TGFB3: variants seen among roughly 807,000 people sequenced by gnomAD.
TGFB3 encodes the protein transforming growth factor beta 3.
A neutral mutation model predicts 40.1 loss-of-function variants in TGFB3; 5 were observed. The observed-to-expected ratio is 0.12, with a 90% CI of 0.07 to 0.26. TGFB3 has a LOEUF of 0.26. TGFB3 is among the 10% of genes least tolerant of loss of function. The probability of loss-of-function intolerance (pLI) is 1.00; values close to 1 mark genes in which losing one functional copy is unlikely to be tolerated. For missense variants in TGFB3, 373 were observed against 530.1 expected (o/e 0.70, Z 2.91); for synonymous variants, 184 against 205.6 (o/e 0.89, Z 0.90).
In TGFB3 at chr14:75,966,381, T is replaced by C. The variant is rs147153752; in HGVS notation, c.647-686A>G. ...ACAAAGTGGCAGATTCTAGAAGAGATAAGATGAAGATCACGGTTACACTGG... is the reference window on the plus strand; with the variant it reads ...ACAAAGTGGCAGATTCTAGAAGAGACAAGATGAAGATCACGGTTACACTGG... On this transcript the variant is annotated intron_variant, in intron 3 of 6. Transcript: ENST00000238682. The C allele has an allele frequency of 2.6e-5, 4 of 155,474 alleles. No individual in the cohort carries two copies. In the East Asian group the frequency reaches 7.7e-4, roughly 30 times the overall value. 9.6% of individuals were successfully genotyped at this position (155,474 alleles called of 1,614,324 possible).
chr14:75,982,484 C>G (rs2035448203), upstream of TGFB3, among the ~76,000 whole-genome samples: 1 of 152,226 alleles, frequency 6.6e-6, no homozygotes, highest in Non-Finnish European at 1.5e-5. The surrounding 1 kb of genome is among the most constrained non-coding windows in gnomAD (Gnocchi z 4.0). Context: ...GGTCGGCGTC[C>G]GCTCCGCGGC....
chr14:75,979,755 G>C lies in TGFB3; in HGVS notation c.352+787C>G, dbSNP rs1401131399. ...TCCACCCGCTCTCCCGTGACACGCA[G>C]ACACAAAGGGCGCCAGCCTCCTCTA... On this transcript the variant is annotated intron_variant, in intron 1 of 6. Transcript: ENST00000238682. This position sits in a 1 kb window ranked among gnomAD's most constrained non-coding sequence, Gnocchi z 4.8. Among the ~76,000 whole-genome samples, 4 of 144,566 alleles carry C rather than the reference G, an allele frequency of 2.8e-5. No individual in the cohort carries two copies. Among genetic ancestry groups the C allele is most frequent in the African/African-American group, 1.0e-4 (4 of 38,712 alleles). 94.8% of individuals were successfully genotyped at this position (144,566 alleles called of 152,430 possible).
chr14:75,980,993 C>A lies in TGFB3; in HGVS notation c.-100G>T. 1 of 1,075,684 alleles carries A rather than the reference C, an allele frequency of 9.3e-7. No individual in the cohort carries two copies. The highest frequency in any genetic ancestry group is 1.3e-5 in the South Asian group (1 of 78,986). The allele number at this position is 1,075,684 out of a possible 1,614,324, so 66.6% of individuals were successfully genotyped here. A position where few individuals can be genotyped will look rare whatever the true frequency, so the allele number is the denominator to read the frequency against. On this transcript the variant is annotated 5_prime_UTR_variant, in exon 1 of 7. Transcript: ENST00000238682. This position sits in a 1 kb window ranked among gnomAD's most constrained non-coding sequence, Gnocchi z 4.3. ...AGGGAGGAAAACCAGGCGGCCTCCC[C>A]AGATCCCAAAGACTGAGGCTTGGCA...
rs765490133 is a variant in TGFB3, at chr14:75,980,766, A to G, written c.128T>C (p.Ile43Thr). 20 of 1,614,010 alleles carry G rather than the reference A, an allele frequency of 1.2e-5. No homozygotes were observed. The highest frequency in any genetic ancestry group is 1.7e-5 in the Non-Finnish European group (20 of 1,180,004). ...GHIKKKRVEA[I>T]RGQILSKLRL... ...GAGCTTGCTCAAGATCTGTCCCCTA[A>G]TGGCTTCCACCCTCTTCTTCTTGAT... Residue 43 changes from isoleucine to threonine, a missense_variant, in exon 1 of 7, where the codon ATT (isoleucine) becomes ACT (threonine). Coordinates refer to ENST00000238682, the MANE Select transcript of TGFB3 (RefSeq NM_003239.5). This position sits in a 1 kb window ranked among gnomAD's most constrained non-coding sequence, Gnocchi z 4.3.
intron 4 of TGFB3, among the ~76,000 whole-genome samples, chr14:75,964,334 T>A (rs2035196082): frequency 6.6e-6 from 1 of 152,184 alleles, no homozygotes; most frequent in Non-Finnish European, 1.5e-5. Flanking sequence ...ACTGTATAAT[T>A]GTTAACATTC....
intron 6 of TGFB3, among the ~76,000 whole-genome samples, chr14:75,960,046 G>A (rs752842228): frequency 2.6e-4 from 37 of 139,914 alleles, no homozygotes; most frequent in East Asian, 4.7e-4. Flanking sequence ...GGGTTCAAGC[G>A]ATTCTCCTGC....
chr14:75,970,868 C>G (rs975589079), intron 3 of TGFB3: 2 of 454,400 alleles, frequency 4.4e-6, no homozygotes, highest in Admixed American at 6.6e-5. Context: ...CCCTGTTGGA[C>G]TCCACCCACT....
At chr14:75,961,165 T>C in intron 5 of TGFB3, 89 bp from the exon 6 acceptor site, 1 of 1,474,550 alleles carries the variant, frequency 6.8e-7, no homozygotes, top group Non-Finnish European at 9.3e-7. Flanking sequence ...CTTGGAGTCC[T>C]TTCATGCCAT....
chr14:75,960,515 T>G (rs2035142722), intron 6 of TGFB3: 1 of 198,112 alleles, frequency 5.0e-6, no homozygotes, highest in African/African-American at 2.3e-5. Context: ...CAAATTAGCT[T>G]CTTGTCCATC....
At chr14:75,964,263 C>T (rs1047258940) in intron 4 of TGFB3, among the ~76,000 whole-genome samples, 3 of 152,156 alleles carry the variant, frequency 2.0e-5, no homozygotes, top group Non-Finnish European at 2.9e-5. Flanking sequence ...ACGCAGAAGT[C>T]CTACCAAAAA....
rs1231639152 is a variant in TGFB3, at chr14:75,981,512, G to C, written c.-619C>G. ...CCCAGCTAAAGGTGGGGGCAGTACA[G>C]GACACACTTGTCTCTCAGGCACTCC... On this transcript the variant is annotated 5_prime_UTR_variant, in exon 1 of 7. Coordinates refer to ENST00000238682, the MANE Select transcript of TGFB3 (RefSeq NM_003239.5). This position sits in a 1 kb window ranked among gnomAD's most constrained non-coding sequence, Gnocchi z 4.7. The C allele has an allele frequency of 6.1e-6, 1 of 163,700 alleles. No individual in the cohort carries two copies. Among genetic ancestry groups the C allele is most frequent in the Non-Finnish European group, 1.3e-5 (1 of 74,288 alleles). 10.1% of individuals were successfully genotyped at this position (163,700 alleles called of 1,614,324 possible).
At position 75,980,681 on chromosome 14, in the gene TGFB3, G is replaced by A. The variant is rs753250192; in HGVS notation, c.213C>T (p.Ala71=). The change falls in exon 1 of 7, where the codon GCC becomes GCT. Residue 71 remains alanine, a synonymous_variant. Coordinates refer to ENST00000238682, the MANE Select transcript of TGFB3 (RefSeq NM_003239.5). The surrounding 1 kb of genome is among the most constrained non-coding windows in gnomAD (Gnocchi z 4.3). The stretch of plus-strand genomic sequence containing the variant: ...GCAGCTCCCGGGTGCTGTTGTAAAG[G>A]GCCAGGACCTGATAGGGGACGTGGG... ...VMTHVPYQVL[A]LYNSTRELLE... is the part of the protein sequence containing the mutation. 8 of 1,614,098 alleles carry A rather than the reference G, an allele frequency of 5.0e-6. No individual in the cohort carries two copies. The African/African-American group carries it at 9.3e-5, about 19-fold the overall frequency.
intron 3 of TGFB3, among the ~76,000 whole-genome samples, chr14:75,967,317 C>T (rs1468852102): frequency 6.6e-6 from 1 of 152,172 alleles, no homozygotes; most frequent in African/African-American, 2.4e-5. Context: ...ATCTCTGTTC[C>T]AGCAGGTTCG....
At chr14:75,967,981 G>C (rs1473721431) in intron 3 of TGFB3, among the ~76,000 whole-genome samples, 1 of 152,142 alleles carries the variant, frequency 6.6e-6, no homozygotes, top group African/African-American at 2.4e-5. Context: ...CCATGATGCT[G>C]AGAGGCTCCC....
At chr14:75,968,974 C>T (rs911049252) in intron 3 of TGFB3, among the ~76,000 whole-genome samples, 4 of 152,120 alleles carry the variant, frequency 2.6e-5, no homozygotes, top group African/African-American at 4.8e-5. Flanking sequence ...ATGGTGGGGG[C>T]TGCGGGGACT....
intron 1 of TGFB3, among the ~76,000 whole-genome samples, chr14:75,975,073 T>C (rs2035337346): frequency 6.8e-6 from 1 of 147,506 alleles, no homozygotes; most frequent in African/African-American, 2.5e-5. Context: ...TATTTAAAAT[T>C]AAAAATTTTA....
Position 75,958,637 on chromosome 14 carries a change from T to C in TGFB3, c.*550A>G, listed in dbSNP as rs2035115177. The C allele has an allele frequency of 5.5e-6, 1 of 180,734 alleles. No individual in the cohort carries two copies. Among genetic ancestry groups the C allele is most frequent in the African/African-American group, 2.4e-5 (1 of 41,856 alleles). 11.2% of individuals were successfully genotyped at this position (180,734 alleles called of 1,614,324 possible). A position where few individuals can be genotyped will look rare whatever the true frequency, so the allele number is the denominator to read the frequency against. On this transcript the variant is annotated 3_prime_UTR_variant, in exon 7 of 7. Transcript: ENST00000238682. ...TGTAGAGGACAGTTTGCAAAAGTAA[T>C]AGATTTGCCCTTAATCCCAGACAGT...
intron 4 of TGFB3, among the ~76,000 whole-genome samples, chr14:75,963,972 G>T (rs1002902759): frequency 6.6e-6 from 1 of 152,160 alleles, no homozygotes; most frequent in African/African-American, 2.4e-5. Flanking sequence ...TGCCTCCGGG[G>T]TTCAAGAGAT....
chr14:75,964,579 TGAG>T (rs1211536469), intron 4 of TGFB3, among the ~76,000 whole-genome samples: 1 of 152,078 alleles, frequency 6.6e-6, no homozygotes, highest in Non-Finnish European at 1.5e-5. Flanking sequence ...GACAGGAACA[TGAG>T]GAATTAATTT....
Sources: allele counts gnomAD v4.1 joint callset (sites outside exome capture counted in the v4.1 genomes callset), GRCh38; gene constraint gnomAD v4.1.1; non-coding constraint Gnocchi (gnomAD v3.1); transcripts MANE v1.5; gene names NCBI Gene and HGNC (gene_info 2026-07-23, HGNC 2026-07-21).